Variants in TGFBR3 observed in about 807,000 individuals in gnomAD.
TGFBR3 encodes the protein transforming growth factor beta receptor type 3.
Under a neutral mutation model 87.9 loss-of-function variants are expected in TGFBR3, and 46 were observed. That is an observed-to-expected ratio of 0.52 (90% CI 0.41 to 0.67). TGFBR3 has a LOEUF of 0.67. Among genes scored for constraint, TGFBR3 ranks in the 30% least tolerant of loss-of-function variants. The pLI is 0.00. For synonymous variants in TGFBR3, 381 were observed against 391.6 expected, an observed-to-expected ratio of 0.97 and a Z score of 0.32; for missense variants, 866 against 1,041.9, an observed-to-expected ratio of 0.83 and a Z score of 2.32.
At chr1:91,838,957 T>A (rs1479094370) in intron 2 of TGFBR3, among the ~76,000 whole-genome samples, 2 of 152,138 alleles carry the variant, frequency 1.3e-5, no homozygotes, top group Non-Finnish European at 2.9e-5. Flanking sequence ...GTTGGAAGTT[T>A]CAAATCTTAA....
intron 2 of TGFBR3, among the ~76,000 whole-genome samples, chr1:91,843,469 G>C (rs980154846): frequency 2.6e-5 from 4 of 152,168 alleles, no homozygotes; most frequent in Non-Finnish European, 5.9e-5. Flanking sequence ...ATACATTTCT[G>C]TTGTTTATAA....
intron 14 of TGFBR3, among the ~76,000 whole-genome samples, chr1:91,701,678 A>T (rs1257271171): frequency 6.6e-6 from 1 of 152,162 alleles, no homozygotes; most frequent in Non-Finnish European, 1.5e-5. Context: ...GTAACTGACC[A>T]CAGCTTTTGG....
chr1:91,787,943 GAA>G (rs111981257), intron 3 of TGFBR3, among the ~76,000 whole-genome samples: 8,932 of 133,326 alleles, frequency 0.067, 339 homozygotes, highest in African/African-American at 0.092. Context: ...GTCTCACGGG[GAA>G]AAAAAAAAAA....
chr1:91,800,235 A>AG (rs1163053461), intron 2 of TGFBR3, among the ~76,000 whole-genome samples: 268 of 109,048 alleles, frequency 2.5e-3, no homozygotes, highest in African/African-American at 8.5e-3. Flanking sequence ...CTACAAAAAA[A>AG]AAAAAAATAT....
At chr1:91,705,235 T>A (rs72714426) in intron 14 of TGFBR3, among the ~76,000 whole-genome samples, 27,346 of 150,870 alleles carry the variant, frequency 0.18, 2,834 homozygotes, top group East Asian at 0.39. Context: ...CTTTTTTTTT[T>A]TTTTTTTGAG....
In TGFBR3 at chr1:91,716,686, A is replaced by G; in HGVS notation, c.1589T>C (p.Leu530Pro). Residue 530 changes from leucine (L) to proline (P), a missense_variant, in exon 11 of 17, where the codon CTT becomes CCT. Leu to Pro is a moderately conservative substitution (Grantham distance 98). Transcript: ENST00000212355. ...YNSIVIQVPA[L>P]GDSSGWPDGY... Reference sequence around the variant, plus strand: ...ATCTGGCCAACCACTACTGTCCCCAAGGGCTGGAACCTGTATCACAATCTA... The same window carrying G: ...ATCTGGCCAACCACTACTGTCCCCAGGGGCTGGAACCTGTATCACAATCTA... 1 of 1,614,114 alleles carries G rather than the reference A, an allele frequency of 6.2e-7. No individual in the cohort carries two copies.
At chr1:91,759,499 T>A (rs1379751521) in intron 3 of TGFBR3, among the ~76,000 whole-genome samples, 1 of 150,710 alleles carries the variant, frequency 6.6e-6, no homozygotes. Context: ...GTCATTAACA[T>A]CACCAAAAAG....
At chr1:91,867,308 T>G (rs1488691) in intron 1 of TGFBR3, among the ~76,000 whole-genome samples, 76,197 of 152,022 alleles carry the variant, frequency 0.5, 19,159 homozygotes, top group East Asian at 0.61. Flanking sequence ...TACGCACAGA[T>G]GGTACGAGGA....
intron 1 of TGFBR3, among the ~76,000 whole-genome samples, chr1:91,885,408 C>A (rs547693022): frequency 6.6e-6 from 1 of 152,224 alleles, no homozygotes; most frequent in South Asian, 2.1e-4. Context: ...GCAAGGCACC[C>A]TGAGGGCGCG....
intron 1 of TGFBR3, among the ~76,000 whole-genome samples, chr1:91,885,392 C>T (rs1679256200): frequency 6.6e-6 from 1 of 151,800 alleles, no homozygotes; most frequent in Admixed American, 6.6e-5. Flanking sequence ...GCTTGCGGCT[C>T]AGCCCGCAAG....
intron 3 of TGFBR3, among the ~76,000 whole-genome samples, chr1:91,786,920 T>C (rs1674992575): frequency 6.6e-6 from 1 of 152,108 alleles, no homozygotes; most frequent in Non-Finnish European, 1.5e-5. Flanking sequence ...TTAGAGAGAA[T>C]AAAAATTACT....
intron 3 of TGFBR3, among the ~76,000 whole-genome samples, chr1:91,765,923 C>T: frequency 6.6e-6 from 1 of 151,886 alleles, no homozygotes. Flanking sequence ...ATATATATTC[C>T]CTGTCACATT....
At chr1:91,758,408 A>G (rs1294435044) in intron 4 of TGFBR3, among the ~76,000 whole-genome samples, 2 of 152,172 alleles carry the variant, frequency 1.3e-5, no homozygotes. Flanking sequence ...CTCTGCCCAC[A>G]GAAGATGGGC....
chr1:91,905,254 T>C (rs1398660550), intron 1 of TGFBR3, among the ~76,000 whole-genome samples: 3 of 152,190 alleles, frequency 2.0e-5, no homozygotes, highest in East Asian at 1.9e-4. Flanking sequence ...AATTACATCT[T>C]TGAATAATCC....
At chr1:91,830,169 A>T (rs759141524) in intron 2 of TGFBR3, 10 of 152,240 alleles carry the variant, frequency 6.6e-5, no homozygotes, top group Non-Finnish European at 1.5e-4. Context: ...TGAGCAATAC[A>T]AGGCTGTGTT....
intron 16 of TGFBR3, among the ~76,000 whole-genome samples, chr1:91,684,485 G>T (rs760764300): frequency 3.3e-5 from 5 of 152,194 alleles, no homozygotes; most frequent in Non-Finnish European, 7.3e-5. Context: ...TGCACATGGG[G>T]ACTGCAGTTG....
intron 1 of TGFBR3, among the ~76,000 whole-genome samples, chr1:91,864,608 A>G (rs2859586): frequency 0.99 from 151,418 of 152,280 alleles, 75,283 homozygotes; most frequent in Middle Eastern, 1. Context: ...GTGGTGAAAG[A>G]TTCCCAAGGC....
At chr1:91,739,481 T>A (rs1278961999) in intron 4 of TGFBR3, among the ~76,000 whole-genome samples, 3 of 152,184 alleles carry the variant, frequency 2.0e-5, no homozygotes, top group African/African-American at 7.2e-5. Context: ...TATAAATAAT[T>A]AAATTTTATA....
In TGFBR3 at chr1:91,876,694, C is replaced by A. The variant is rs1016388176; in HGVS notation, c.-114+9184G>T. ...TGGGTCCCGGAACACTGGACCCAAA[C>A]CCTTTCATGTCAGCAAAAACTGCCT... On this transcript the variant is annotated intron_variant, in intron 1 of 16. Transcript: ENST00000212355. Among the ~76,000 whole-genome samples, 123 of 152,292 alleles carry A rather than the reference C, an allele frequency of 8.1e-4. 2 individuals carry two copies. The highest frequency in any genetic ancestry group is 1.2e-4 in the Non-Finnish European group (8 of 68,030).
Sources: allele counts gnomAD v4.1 joint callset (sites outside exome capture counted in the v4.1 genomes callset), GRCh38; gene constraint gnomAD v4.1.1; transcripts MANE v1.5; gene names NCBI Gene and HGNC (gene_info 2026-07-23, HGNC 2026-07-21).